The following DLC1 variants were observed in gnomAD, a reference collection of about 807,000 sequenced individuals.
DLC1 encodes DLC1 Rho GTPase activating protein, also known as rho GTPase-activating protein 7.
In DLC1, 54 loss-of-function variants were observed where a neutral mutation model predicts 140.3. That is an observed-to-expected ratio of 0.38 (90% CI 0.31 to 0.48). The LOEUF (loss-of-function observed/expected upper bound fraction) is 0.48. Among genes scored for constraint, DLC1 ranks in the 20% least tolerant of loss-of-function variants. The pLI, the probability that DLC1 is intolerant of heterozygous loss-of-function variation, is 0.96. For missense variants in DLC1, 2,536 were observed against 1,907.0 expected, an observed-to-expected ratio of 1.33 and a Z score of -6.14; for synonymous variants, 986 against 728.1, an observed-to-expected ratio of 1.35 and a Z score of -5.70.
chr8:13,128,717 C>T (rs1415968446), intron 5 of DLC1, among the ~76,000 whole-genome samples: 1 of 152,046 alleles, frequency 6.6e-6, no homozygotes, highest in African/African-American at 2.4e-5. Context: ...CTACTGTAGT[C>T]CCAGCTACTC....
In DLC1 at chr8:13,465,220, C is replaced by T. The variant is rs376997597; in HGVS notation, c.1023+33829G>A. Among the ~76,000 whole-genome samples, 10 of 152,244 alleles carry T rather than the reference C, an allele frequency of 6.6e-5. 1 individual carries two copies. Among genetic ancestry groups the T allele is most frequent in the African/African-American group, 2.2e-4 (9 of 41,540 alleles). ...TAATGCAATTAATATTCTTGTCCACCTTTCCTGGAGAACAAAATCGAGTGT... is the reference window on the plus strand; with the variant it reads ...TAATGCAATTAATATTCTTGTCCACTTTTCCTGGAGAACAAAATCGAGTGT... On this transcript the variant is annotated intron_variant, in intron 2 of 17. Coordinates refer to ENST00000276297, the MANE Select transcript of DLC1 (RefSeq NM_182643.3).
chr8:13,295,757 C>T (rs904050899), intron 5 of DLC1, among the ~76,000 whole-genome samples: 7 of 152,014 alleles, frequency 4.6e-5, no homozygotes, highest in African/African-American at 7.3e-5. Flanking sequence ...TAGCTTGTTA[C>T]ATGTAACTTT....
At chr8:13,552,557 C>T (rs575555427) in intron 1 of DLC1, among the ~76,000 whole-genome samples, 1 of 151,340 alleles carries the variant, frequency 6.6e-6, no homozygotes, top group East Asian at 1.9e-4. Context: ...ATATATTTTT[C>T]CAAAGTTCTG....
At chr8:13,553,558 C>T (rs1366962878) in intron 1 of DLC1, among the ~76,000 whole-genome samples, 3 of 151,764 alleles carry the variant, frequency 2.0e-5, no homozygotes, top group African/African-American at 2.4e-5. Context: ...CACTATGTTG[C>T]TCAAGCTGGT....
chr8:13,412,406 CT>C (rs1035607655), intron 2 of DLC1, among the ~76,000 whole-genome samples: 27 of 152,182 alleles, frequency 1.8e-4, no homozygotes, highest in Admixed American at 1.1e-3. Context: ...AGATACCTAT[CT>C]TAGAAAATTA....
chr8:13,603,148 T>A (rs1253625763), intron 1 of DLC1, among the ~76,000 whole-genome samples: 1 of 151,548 alleles, frequency 6.6e-6, no homozygotes, highest in African/African-American at 2.4e-5. Context: ...AAAAGAACTC[T>A]TAAGTCACAC....
At chr8:13,129,084 A>T (rs1821858987) in intron 5 of DLC1, among the ~76,000 whole-genome samples, 1 of 152,218 alleles carries the variant, frequency 6.6e-6, no homozygotes, top group Non-Finnish European at 1.5e-5. Context: ...AGCCCTTCTC[A>T]GCTGGGAATC....
chr8:13,394,329 GC>G (rs1209007836), intron 3 of DLC1, among the ~76,000 whole-genome samples: 1 of 152,168 alleles, frequency 6.6e-6, no homozygotes, highest in Non-Finnish European at 1.5e-5. Flanking sequence ...TAAGCATAAA[GC>G]AAAGTGCTGG....
intron 1 of DLC1, among the ~76,000 whole-genome samples, chr8:13,593,655 CG>C (rs1805592269): frequency 6.6e-6 from 1 of 151,972 alleles, no homozygotes; most frequent in African/African-American, 2.4e-5. Flanking sequence ...AATGGAACCC[CG>C]CCCGATTCAT....
intron 1 of DLC1, among the ~76,000 whole-genome samples, chr8:13,596,483 C>G (rs1007373161): frequency 2.0e-5 from 3 of 151,886 alleles, no homozygotes; most frequent in African/African-American, 7.2e-5. Context: ...TCCTTAGAGG[C>G]CTTTCTTAAA....
chr8:13,258,267 C>T (rs1226488430), intron 5 of DLC1, among the ~76,000 whole-genome samples: 1 of 152,180 alleles, frequency 6.6e-6, no homozygotes, highest in African/African-American at 2.4e-5. Flanking sequence ...AAATCCTCGA[C>T]TTCACTAAGG....
intron 4 of DLC1, among the ~76,000 whole-genome samples, chr8:13,389,639 A>G (rs1197768100): frequency 2.0e-5 from 3 of 152,186 alleles, no homozygotes; most frequent in Admixed American, 1.3e-4. Context: ...CATAGAATTA[A>G]TGAAAAATCT....
At chr8:13,259,283 T>C (rs919923527) in intron 5 of DLC1, among the ~76,000 whole-genome samples, 17 of 151,928 alleles carry the variant, frequency 1.1e-4, no homozygotes, top group African/African-American at 4.1e-4. Context: ...CACAATAAAT[T>C]ATAAATGCAA....
chr8:13,248,148 T>A (rs1190504351), intron 5 of DLC1, among the ~76,000 whole-genome samples: 3 of 152,222 alleles, frequency 2.0e-5, no homozygotes, highest in Non-Finnish European at 4.4e-5. Flanking sequence ...TTCCTTGTGA[T>A]GTTGTCCAGC....
intron 1 of DLC1, among the ~76,000 whole-genome samples, chr8:13,513,065 A>T (rs555962872): frequency 6.7e-6 from 1 of 149,742 alleles, no homozygotes; most frequent in South Asian, 2.1e-4. Flanking sequence ...CATAATTATT[A>T]TGGGAGGGCA....
chr8:13,544,362 C>G (rs1343914448), intron 1 of DLC1, among the ~76,000 whole-genome samples: 1 of 152,102 alleles, frequency 6.6e-6, no homozygotes, highest in Non-Finnish European at 1.5e-5. Context: ...TACCTGTGGT[C>G]TTATTACTCT....
chr8:13,083,688 A>G lies in DLC1; in HGVS notation c.*2123T>C, dbSNP rs917156720. The stretch of plus-strand genomic sequence containing the variant: ...CGTCATCCTCTCAGCGTCGTTTCCT[A>G]ACTGGACCTTTGTTGGAGAGAATCT... On this transcript the variant is annotated 3_prime_UTR_variant, in exon 18 of 18. Transcript: ENST00000276297. The G allele has an allele frequency of 1.3e-5, 2 of 152,604 alleles. No individual in the cohort carries two copies. The highest frequency in any genetic ancestry group is 2.9e-5 in the Non-Finnish European group (2 of 68,046). The allele number at this position is 152,604 out of a possible 1,614,324, so 9.5% of individuals were successfully genotyped here. A position where few individuals can be genotyped will look rare whatever the true frequency, so the allele number is the denominator to read the frequency against.
At chr8:13,275,149 C>A (rs1188281) in intron 5 of DLC1, among the ~76,000 whole-genome samples, 21 of 152,148 alleles carry the variant, frequency 1.4e-4, no homozygotes, top group Middle Eastern at 3.4e-3. Flanking sequence ...TTGTTTAGTG[C>A]AACAGACAGA....
At chr8:13,185,125 T>A (rs1356722277) in intron 5 of DLC1, among the ~76,000 whole-genome samples, 1 of 146,630 alleles carries the variant, frequency 6.8e-6, no homozygotes, top group African/African-American at 2.5e-5. Flanking sequence ...ACCCCTGCTT[T>A]TTTTTTTTTT....
Sources: allele counts gnomAD v4.1 joint callset (sites outside exome capture counted in the v4.1 genomes callset), GRCh38; gene constraint gnomAD v4.1.1; transcripts MANE v1.5; gene names NCBI Gene and HGNC (gene_info 2026-07-23, HGNC 2026-07-21).